The following DNM1 variants were observed in gnomAD, a reference collection of about 807,000 sequenced individuals.
DNM1 encodes the protein dynamin 1, also known as dynamin-1.
Under a neutral mutation model 104.6 loss-of-function variants are expected in DNM1, and 29 were observed. The ratio of observed to expected loss-of-function variants is 0.28; its 90% CI spans 0.21 to 0.38. The LOEUF is 0.38. Ranked by LOEUF, DNM1 falls within the 10% of genes least tolerant of loss-of-function variation. DNM1 has a pLI of 1.00. For missense variants in DNM1, 640 were observed against 1,189.4 expected, an observed-to-expected ratio of 0.54 and a Z score of 6.79; for synonymous variants, 445 against 475.8, an observed-to-expected ratio of 0.94 and a Z score of 0.84.
chr9:128,220,124 T>C lies in DNM1; in HGVS notation c.688+38T>C, dbSNP rs774007538. 6.2e-7 allele frequency: 1 copy of C among 1,612,708 alleles called. No individual in the cohort carries two copies. Among genetic ancestry groups the C allele is most frequent in the East Asian group, 2.2e-5 (1 of 44,826 alleles). On this transcript the variant is annotated intron_variant, in intron 5 of 21. Coordinates refer to ENST00000372923, the MANE Select transcript of DNM1 (RefSeq NM_004408.4). This position sits in a 1 kb window ranked among gnomAD's most constrained non-coding sequence, Gnocchi z 5.2. ...TGCCCCTCAACCACTCCCCAGCCCT[T>C]CCCCACCCTTCCCCTCCTCTTGAGG... is the stretch of plus-strand genomic sequence containing the variant.
chr9:128,244,506 CCCA>C (rs1445029147), intron 15 of DNM1, among the ~76,000 whole-genome samples: 1 of 151,870 alleles, frequency 6.6e-6, no homozygotes, highest in East Asian at 1.9e-4. Flanking sequence ...CCGGCGGCTG[CCCA>C]CATCCCCAGT....
chr9:128,254,874 G>GA lies in DNM1; in HGVS notation c.*164dup, dbSNP rs1189646504. On this transcript the variant is annotated 3_prime_UTR_variant, in exon 22 of 22. Transcript: ENST00000372923. The surrounding 1 kb of genome is among the most constrained non-coding windows in gnomAD (Gnocchi z 6.1). ...GATACATTCAGGTGTGACCGTTGGT[G>GA]AAAACTTGTGCCCCTTCTGTGGTAT... is the stretch of plus-strand genomic sequence containing the variant. The GA allele has an allele frequency of 1.6e-6, 1 of 638,170 alleles. No homozygotes were observed. Among genetic ancestry groups the GA allele is most frequent in the African/African-American group, 1.8e-5 (1 of 54,466 alleles). The allele number at this position is 638,170 out of a possible 1,614,324, so 39.5% of individuals were successfully genotyped here.
intron 1 of DNM1, among the ~76,000 whole-genome samples, chr9:128,214,341 C>A (rs1367993605): frequency 6.6e-6 from 1 of 152,186 alleles, no homozygotes; most frequent in East Asian, 1.9e-4. Context: ...GAGGTATGGT[C>A]ATTTGTGCAC....
At chr9:128,241,398 A>G (rs1004464) in intron 14 of DNM1, among the ~76,000 whole-genome samples, 26,835 of 152,164 alleles carry the variant, frequency 0.18, 2,543 homozygotes, top group South Asian at 0.25. Context: ...GCTTCCTGCC[A>G]TGAAAAGGGA....
Position 128,222,151 on chromosome 9 carries a change from C to A in DNM1, c.850-46C>A, listed in dbSNP as rs3003608. On this transcript the variant is annotated intron_variant, in intron 6 of 21. Transcript: ENST00000372923. This position sits in a 1 kb window ranked among gnomAD's most constrained non-coding sequence, Gnocchi z 7.8. ...CCCTGGCATCCAAGTCCCTTCCTGGCCCTGTGACCATCTGTCCTCAACCCT... is the reference window on the plus strand; with the variant it reads ...CCCTGGCATCCAAGTCCCTTCCTGGACCTGTGACCATCTGTCCTCAACCCT... 0.56 allele frequency: 876,036 copies of A among 1,572,292 alleles called. 245,863 individuals are homozygous for A. The highest frequency in any genetic ancestry group is 0.7 in the Admixed American group (39,083 of 56,190).
rs1241517079 is a variant in DNM1 at position 128,248,188 on chromosome 9, A to G, written c.1905+253A>G. 1.8e-6 allele frequency: 1 copy of G among 551,126 alleles called. No homozygotes were observed. Among genetic ancestry groups the G allele is most frequent in the Admixed American group, 3.1e-5 (1 of 32,598 alleles). 34.1% of individuals were successfully genotyped at this position (551,126 alleles called of 1,614,324 possible). A position where few individuals can be genotyped will look rare whatever the true frequency, so the allele number is the denominator to read the frequency against. ...CTAAAAATACAAAAATTAGCCAGGCATGGTGGTGCGCGCCTGTAATCCCAG... is the reference window on the plus strand; with the variant it reads ...CTAAAAATACAAAAATTAGCCAGGCGTGGTGGTGCGCGCCTGTAATCCCAG... On this transcript the variant is annotated intron_variant, in intron 18 of 21. Coordinates refer to ENST00000372923, the MANE Select transcript of DNM1 (RefSeq NM_004408.4). This position sits in a 1 kb window ranked among gnomAD's most constrained non-coding sequence, Gnocchi z 5.6.
At chr9:128,216,216 A>G (rs1370788352) in intron 1 of DNM1, among the ~76,000 whole-genome samples, 3 of 152,194 alleles carry the variant, frequency 2.0e-5, no homozygotes, top group Non-Finnish European at 4.4e-5. Context: ...ACTGAATTTA[A>G]TTGAATTACA....
chr9:128,250,589 G>A (rs1393982379), intron 20 of DNM1, 136 bp from the exon 21 acceptor site: 2 of 993,870 alleles, frequency 2.0e-6, no homozygotes, highest in African/African-American at 1.7e-5. Context: ...CTTAAGCTCC[G>A]GCGACCGCCT....
rs925691539 is a variant in DNM1, at chr9:128,253,627, C to T, written c.2535-1027C>T. The T allele has an allele frequency of 4.9e-6, 1 of 203,678 alleles. No individual in the cohort carries two copies. Among genetic ancestry groups the T allele is most frequent in the South Asian group, 1.6e-4 (1 of 6,110 alleles). 12.6% of individuals were successfully genotyped at this position (203,678 alleles called of 1,614,324 possible). On this transcript the variant is annotated intron_variant, in intron 21 of 21. Coordinates refer to ENST00000372923, the MANE Select transcript of DNM1 (RefSeq NM_004408.4). The surrounding 1 kb of genome is among the most constrained non-coding windows in gnomAD (Gnocchi z 5.9). ...TGGGAGTGCTGAGAGCCAAATCCAC[C>T]GTAGAGCAGGGGTGAGAGTCAGGGT... is the stretch of plus-strand genomic sequence containing the variant.
intron 1 of DNM1, among the ~76,000 whole-genome samples, chr9:128,213,192 C>T (rs1834407518): frequency 6.6e-6 from 1 of 152,190 alleles, no homozygotes; most frequent in African/African-American, 2.4e-5. Context: ...AGCGATTCTC[C>T]TGCCTCAGTC....
rs1431521516 is a variant in DNM1 at position 128,247,324 on chromosome 9, G to T, written c.1782-51G>T. ...AGTCTGGGCATGCCCTTAACCCCCA[G>T]GGAGGGTCAGACTTTGCCCATCTGC... On this transcript the variant is annotated intron_variant, in intron 16 of 21. Coordinates refer to ENST00000372923, the MANE Select transcript of DNM1 (RefSeq NM_004408.4). The surrounding 1 kb of genome is among the most constrained non-coding windows in gnomAD (Gnocchi z 5.1). 7.4e-7 allele frequency: 1 copy of T among 1,357,828 alleles called. No individual in the cohort carries two copies. The highest frequency in any genetic ancestry group is 1.0e-6 in the Non-Finnish European group (1 of 963,848). The allele number at this position is 1,357,828 out of a possible 1,614,324, so 84.1% of individuals were successfully genotyped here. A position where few individuals can be genotyped will look rare whatever the true frequency, so the allele number is the denominator to read the frequency against.
chr9:128,218,958 C>T lies in DNM1; in HGVS notation c.386-91C>T, dbSNP rs1834778749. 1 of 1,472,882 alleles carries T rather than the reference C, an allele frequency of 6.8e-7. No individual in the cohort carries two copies. Among genetic ancestry groups the T allele is most frequent in the Non-Finnish European group, 9.3e-7 (1 of 1,077,290 alleles). The allele number at this position is 1,472,882 out of a possible 1,614,324, so 91.2% of individuals were successfully genotyped here. On this transcript the variant is annotated intron_variant, in intron 3 of 21. Transcript: ENST00000372923. This position sits in a 1 kb window ranked among gnomAD's most constrained non-coding sequence, Gnocchi z 4.8. ...GTCCCACCCACCTGCCACCCTGCTC[C>T]CAAGCAGCTTCTCTAACCCCGCCCT...
rs553796095 is a variant in DNM1, at chr9:128,253,064, G to A, written c.2535-1590G>A. The A allele has an allele frequency of 1.2e-5, 19 of 1,610,844 alleles. No individual in the cohort carries two copies. Among genetic ancestry groups the A allele is most frequent in the Admixed American group, 3.3e-5 (2 of 60,012 alleles). The stretch of plus-strand genomic sequence containing the variant: ...ACCCCCAGGCCGGCCCCACCCGTGC[G>A]TGTGAACTGCCATGTTGATTTCGTG... On this transcript the variant is annotated intron_variant, in intron 21 of 21. Transcript: ENST00000372923. This position sits in a 1 kb window ranked among gnomAD's most constrained non-coding sequence, Gnocchi z 5.9.
rs1449153967 is a variant in DNM1, at chr9:128,220,936, TTCTTTTCTTTCTTTCTTTC to T, written c.849+596_849+614del. The stretch of plus-strand genomic sequence containing the variant: ...TTCTTTCTTTCTTTCTTTCTTTCTT[TTCTTTTCTTTCTTTCTTTC>T]CTTTCTTCTTTCTTTCTTTCTCTTT... On this transcript the variant is annotated intron_variant, in intron 6 of 21. Coordinates refer to ENST00000372923, the MANE Select transcript of DNM1 (RefSeq NM_004408.4). The surrounding 1 kb of genome is among the most constrained non-coding windows in gnomAD (Gnocchi z 5.2). Among the ~76,000 whole-genome samples the T allele has an allele frequency of 3.6e-5, 4 of 110,198 alleles. No homozygotes were observed. The highest frequency in any genetic ancestry group is 8.5e-5 in the Non-Finnish European group (4 of 46,996). The allele number at this position is 110,198 out of a possible 152,430, so 72.3% of individuals were successfully genotyped here.
intron 4 of DNM1, among the ~76,000 whole-genome samples, chr9:128,219,512 T>A (rs542241263): frequency 1.4e-5 from 2 of 146,602 alleles, no homozygotes; most frequent in East Asian, 4.1e-4. Context: ...CTACAAAAAA[T>A]TTAAAAATTA....
intron 10 of DNM1, among the ~76,000 whole-genome samples, chr9:128,225,856 C>T (rs948356138): frequency 6.6e-6 from 1 of 152,058 alleles, no homozygotes; most frequent in Non-Finnish European, 1.5e-5. Context: ...GCCGGTCCCA[C>T]GCTCACATTG....
chr9:128,226,610 G>C (rs545042438), intron 10 of DNM1, among the ~76,000 whole-genome samples: 1 of 152,290 alleles, frequency 6.6e-6, no homozygotes, highest in South Asian at 2.1e-4. Flanking sequence ...GAAGGACAGA[G>C]GAAGGGGTCT....
Position 128,220,726 on chromosome 9 carries a change from A to AGC in DNM1, c.849+386_849+387insCG, listed in dbSNP as rs747195864. On this transcript the variant is annotated intron_variant, in intron 6 of 21. Coordinates refer to ENST00000372923, the MANE Select transcript of DNM1 (RefSeq NM_004408.4). This position sits in a 1 kb window ranked among gnomAD's most constrained non-coding sequence, Gnocchi z 5.2. ...TCTGGAATGGGGCATCCAGAACTGA[A>AGC]GTGCGCGCGCGCGCGCGTGTGTGTG... is the stretch of plus-strand genomic sequence containing the variant. Among the ~76,000 whole-genome samples the AGC allele has an allele frequency of 2.7e-4, 36 of 133,488 alleles. No homozygotes were observed. Among genetic ancestry groups the AGC allele is most frequent in the East Asian group, 1.7e-3 (6 of 3,630 alleles). The allele number at this position is 133,488 out of a possible 152,430, so 87.6% of individuals were successfully genotyped here. A position where few individuals can be genotyped will look rare whatever the true frequency, so the allele number is the denominator to read the frequency against.
At chr9:128,249,996 A>G (rs1270262013) in intron 19 of DNM1, 119 bp from the exon 20 acceptor site, 12 of 1,438,098 alleles carry the variant, frequency 8.3e-6, no homozygotes, top group African/African-American at 4.2e-5. Flanking sequence ...CAGTCTACGC[A>G]GTGTAGGAGC....
Sources: allele counts gnomAD v4.1 joint callset (sites outside exome capture counted in the v4.1 genomes callset), GRCh38; gene constraint gnomAD v4.1.1; non-coding constraint Gnocchi (gnomAD v3.1); transcripts MANE v1.5; gene names NCBI Gene and HGNC (gene_info 2026-07-23, HGNC 2026-07-21).